The following FAT4 variants were observed in gnomAD, a reference collection of about 807,000 sequenced individuals.
The protein encoded by FAT4 is protocadherin Fat 4.
In FAT4, 84 loss-of-function variants were observed where a neutral mutation model predicts 303.9. The observed-to-expected ratio is 0.28, with a 90% CI of 0.23 to 0.33. The LOEUF is 0.33. Among genes scored for constraint, FAT4 ranks in the 10% least tolerant of loss-of-function variants. The probability of loss-of-function intolerance (pLI) is 1.00; values close to 1 mark genes in which losing one functional copy is unlikely to be tolerated. For missense variants in FAT4, 6,005 were observed against 6,146.8 expected, an observed-to-expected ratio of 0.98 and a Z score of 0.77; for synonymous variants, 2,307 against 2,298.8, an observed-to-expected ratio of 1.00 and a Z score of -0.10.
intron 2 of FAT4, among the ~76,000 whole-genome samples, chr4:125,325,521 C>T (rs1332329455): frequency 2.0e-5 from 3 of 152,072 alleles, no homozygotes; most frequent in Non-Finnish European, 4.4e-5. Flanking sequence ...GTTGCTCTTT[C>T]GAGTAAAAAT....
At chr4:125,479,281 A>G (rs1176616206) in intron 14 of FAT4, among the ~76,000 whole-genome samples, 3 of 152,164 alleles carry the variant, frequency 2.0e-5, no homozygotes, top group African/African-American at 7.2e-5. Flanking sequence ...ACAAGAAAAA[A>G]TAAGTACTTC....
At chr4:125,439,295 C>T (rs910762469) in intron 8 of FAT4, among the ~76,000 whole-genome samples, 9 of 151,938 alleles carry the variant, frequency 5.9e-5, no homozygotes, top group African/African-American at 1.7e-4. Flanking sequence ...CAGCCACAAA[C>T]TCCACTGACA....
At chr4:125,334,689 T>C (rs1324750311) in intron 2 of FAT4, among the ~76,000 whole-genome samples, 1 of 152,206 alleles carries the variant, frequency 6.6e-6, no homozygotes, top group East Asian at 1.9e-4. Context: ...GTCTATCTAA[T>C]GGCAAATTTG....
chr4:125,490,653 G>C lies in FAT4; in HGVS notation c.13837G>C (p.Ala4613Pro), dbSNP rs151087097. Reference sequence around the variant, plus strand: ...AGAAACCATCCCCAGCGCCCCTTTGGCATCTCCAGAGCAGGAGATAGAGCA... The same window carrying C: ...AGAAACCATCCCCAGCGCCCCTTTGCCATCTCCAGAGCAGGAGATAGAGCA... ...NSETIPSAPL[A>P]SPEQEIEHYD... The change falls in exon 18 of 18, where the codon GCA becomes CCA. Residue 4613 changes from alanine (A) to proline (P), a missense_variant. Transcript: ENST00000394329. 3 of 1,613,992 alleles carry C rather than the reference G, an allele frequency of 1.9e-6. No individual in the cohort carries two copies. Among genetic ancestry groups the C allele is most frequent in the Non-Finnish European group, 1.7e-6 (2 of 1,180,026 alleles).
rs1038652411 is a variant in FAT4 at position 125,319,358 on chromosome 4, A to T, written c.2947A>T (p.Thr983Ser). Reference sequence around the variant, plus strand: ...ACAGCTCTCCTCTAGTGTCATCTTAACAGTTTATGTCCATGATGTAAATGA... The same window carrying T: ...ACAGCTCTCCTCTAGTGTCATCTTATCAGTTTATGTCCATGATGTAAATGA... ...VPQLSSSVIL[T>S]VYVHDVNDNS... Residue 983 changes from threonine (T) to serine (S), a missense_variant, in exon 2 of 18, where the codon ACA becomes TCA. Thr to Ser is a moderately conservative substitution (Grantham distance 58). Transcript: ENST00000394329. 2 of 1,612,568 alleles carry T rather than the reference A, an allele frequency of 1.2e-6. No individual in the cohort carries two copies. Among genetic ancestry groups the T allele is most frequent in the Admixed American group, 1.7e-5 (1 of 60,010 alleles).
intron 16 of FAT4, among the ~76,000 whole-genome samples, chr4:125,482,669 TAAC>T (rs1430666029): frequency 3.3e-5 from 5 of 152,074 alleles, no homozygotes; most frequent in Non-Finnish European, 5.9e-5. Flanking sequence ...CAATATTTAA[TAAC>T]TACTCCAGGG....
intron 2 of FAT4, among the ~76,000 whole-genome samples, chr4:125,378,232 A>G (rs72912845): frequency 8.2e-4 from 125 of 152,258 alleles, no homozygotes; most frequent in African/African-American, 2.9e-3. Flanking sequence ...TCATTGTAAA[A>G]GCCCAATATA....
In FAT4 at chr4:125,316,586, A is replaced by C; in HGVS notation, c.175A>C (p.Thr59Pro). ...FQVLEEQPPGTLVGTIQTRPG... is the reference protein window; with the variant it reads ...FQVLEEQPPGPLVGTIQTRPG... ...AGTGCTGGAAGAGCAACCTCCAGGCACTCTGGTAGGCACCATCCAGACGCG... is the reference window on the plus strand; with the variant it reads ...AGTGCTGGAAGAGCAACCTCCAGGCCCTCTGGTAGGCACCATCCAGACGCG... The change falls in exon 2 of 18, where the codon ACT (threonine) becomes CCT (proline). Residue 59 changes from threonine to proline, a missense_variant. By Grantham distance (38) the Thr-to-Pro change is conservative. Coordinates refer to ENST00000394329, the MANE Select transcript of FAT4 (RefSeq NM_001291303.3). The surrounding 1 kb of genome is among the most constrained non-coding windows in gnomAD (Gnocchi z 5.7). 6.2e-7 allele frequency: 1 copy of C among 1,613,834 alleles called. No homozygotes were observed. The highest frequency in any genetic ancestry group is 8.5e-7 in the Non-Finnish European group (1 of 1,179,990).
chr4:125,397,787 T>C (rs1734239733), intron 2 of FAT4, among the ~76,000 whole-genome samples: 1 of 152,144 alleles, frequency 6.6e-6, no homozygotes, highest in Admixed American at 6.6e-5. Flanking sequence ...ATCAGAATTA[T>C]TTTGCTCTCC....
chr4:125,473,353 G>T (rs935635279), intron 12 of FAT4, among the ~76,000 whole-genome samples: 7 of 151,832 alleles, frequency 4.6e-5, no homozygotes, highest in Non-Finnish European at 1.0e-4. Context: ...CATTAGTAGA[G>T]GTATAACAAA....
chr4:125,454,334 T>C (rs1198344393), intron 10 of FAT4, among the ~76,000 whole-genome samples: 1 of 152,184 alleles, frequency 6.6e-6, no homozygotes, highest in African/African-American at 2.4e-5. Context: ...TGCCTTCTAA[T>C]GAAATAACTT....
chr4:125,449,136 T>C lies in FAT4; in HGVS notation c.8126T>C (p.Ile2709Thr), dbSNP rs767344231. ...CCCAATGGACAGTTAGATTATGAAA[T>C]TGTTAATGGCAACATGGAAAATAGT... is the stretch of plus-strand genomic sequence containing the variant. ...SGPNGQLDYE[I>T]VNGNMENSFS... Residue 2709 changes from isoleucine to threonine, a missense_variant, in exon 10 of 18, where the codon ATT becomes ACT. Transcript: ENST00000394329. 10 of 1,613,840 alleles carry C rather than the reference T, an allele frequency of 6.2e-6. No individual in the cohort carries two copies. Among genetic ancestry groups the C allele is most frequent in the Non-Finnish European group, 8.5e-6 (10 of 1,179,900 alleles).
intron 2 of FAT4, among the ~76,000 whole-genome samples, chr4:125,384,637 A>G (rs909938053): frequency 2.0e-5 from 3 of 152,110 alleles, no homozygotes; most frequent in African/African-American, 7.2e-5. Flanking sequence ...CCTTCAAAGC[A>G]AAAAAGGTTT....
intron 10 of FAT4, among the ~76,000 whole-genome samples, chr4:125,460,099 T>A (rs1726431275): frequency 6.6e-6 from 1 of 152,014 alleles, no homozygotes; most frequent in South Asian, 2.1e-4. Flanking sequence ...TGTCTTTGAA[T>A]TCAAGTATCT....
At chr4:125,342,301 A>G (rs1398696046) in intron 2 of FAT4, among the ~76,000 whole-genome samples, 8 of 152,044 alleles carry the variant, frequency 5.3e-5, no homozygotes. Flanking sequence ...TATCAATAAG[A>G]AGTAGTTTAA....
rs1381465570 is a variant in FAT4, at chr4:125,449,434, T to C, written c.8424T>C (p.Ile2808=). 6.2e-7 allele frequency: 1 copy of C among 1,613,796 alleles called. No homozygotes were observed. The highest frequency in any genetic ancestry group is 8.5e-7 in the Non-Finnish European group (1 of 1,179,826). The change falls in exon 10 of 18, where the codon ATT becomes ATC. Residue 2808 remains isoleucine (I), a synonymous_variant. Coordinates refer to ENST00000394329, the MANE Select transcript of FAT4 (RefSeq NM_001291303.3). ...ATGAAGACATTGGGATCAATGCAAT[T>C]AGTAGATATTCTATAATGGATGCAA... ...TSDEDIGINA[I]SRYSIMDASL... is the part of the protein sequence containing the mutation.
chr4:125,415,919 T>C lies in FAT4; in HGVS notation c.6843+113T>C, dbSNP rs573660069. ...CCTGTTCTCTCCTCATTCTCATCCATAAATGCTCAATTGCAGATACAGCAA... is the reference window on the plus strand; with the variant it reads ...CCTGTTCTCTCCTCATTCTCATCCACAAATGCTCAATTGCAGATACAGCAA... On this transcript the variant is annotated intron_variant, in intron 6 of 17. Transcript: ENST00000394329. 3.7e-4 allele frequency: 296 copies of C among 804,258 alleles called. 1 individual carries two copies. Among genetic ancestry groups the C allele is most frequent in the Non-Finnish European group, 5.4e-4 (280 of 520,862 alleles). The allele number at this position is 804,258 out of a possible 1,614,324, so 49.8% of individuals were successfully genotyped here. A position where few individuals can be genotyped will look rare whatever the true frequency, so the allele number is the denominator to read the frequency against.
chr4:125,438,992 G>A (rs1364333167), intron 8 of FAT4, among the ~76,000 whole-genome samples: 2 of 152,018 alleles, frequency 1.3e-5, no homozygotes, highest in Non-Finnish European at 2.9e-5. Flanking sequence ...TTTGCATATA[G>A]CATCCAGCCA....
chr4:125,344,882 C>G (rs1731938336), intron 2 of FAT4, among the ~76,000 whole-genome samples: 1 of 152,042 alleles, frequency 6.6e-6, no homozygotes, highest in Non-Finnish European at 1.5e-5. Context: ...CCTGGGTCCT[C>G]CATGTCTTAC....
Sources: gnomAD v4.1 joint callset for allele counts (sites outside exome capture counted in the v4.1 genomes callset) on GRCh38, gnomAD v4.1.1 for gene constraint, Gnocchi (gnomAD v3.1) non-coding constraint, MANE v1.5 for transcripts, NCBI Gene and HGNC (gene_info 2026-07-23, HGNC 2026-07-21) for gene names.